ZMYM4: variants seen among roughly 807,000 people sequenced by gnomAD.
The protein encoded by ZMYM4 is zinc finger MYM-type protein 4.
ZMYM4 carries 31 observed loss-of-function variants against 183.2 expected under a neutral mutation model. The ratio of observed to expected loss-of-function variants is 0.17; its 90% CI spans 0.13 to 0.23. The LOEUF is 0.23. Ranked by LOEUF, ZMYM4 falls within the 10% of genes least tolerant of loss-of-function variation. ZMYM4 has a pLI of 1.00. For synonymous variants in ZMYM4, 592 were observed against 631.2 expected, an observed-to-expected ratio of 0.94 and a Z score of 0.93; for missense variants, 1,273 against 1,840.3, an observed-to-expected ratio of 0.69 and a Z score of 5.64.
intron 2 of ZMYM4, among the ~76,000 whole-genome samples, chr1:35,330,997 G>A (rs1558015566): frequency 6.6e-6 from 1 of 152,110 alleles, no homozygotes; most frequent in Non-Finnish European, 1.5e-5. Flanking sequence ...ATCAGTTTGT[G>A]TCTGAATTAT....
intron 1 of ZMYM4, among the ~76,000 whole-genome samples, chr1:35,306,347 T>C (rs1641532495): frequency 6.6e-6 from 1 of 152,174 alleles, no homozygotes; most frequent in East Asian, 1.9e-4. Context: ...TATATTTTCC[T>C]TCTATGAATG....
At chr1:35,364,592 A>G (rs1318123574) in intron 5 of ZMYM4, among the ~76,000 whole-genome samples, 5 of 152,150 alleles carry the variant, frequency 3.3e-5, no homozygotes, top group Admixed American at 1.3e-4. Context: ...AGTGTATTAT[A>G]TTATTAGTCT....
intron 1 of ZMYM4, among the ~76,000 whole-genome samples, chr1:35,299,881 G>T (rs1475195280): frequency 2.0e-5 from 3 of 151,424 alleles, no homozygotes; most frequent in African/African-American, 7.3e-5. Context: ...TGCAAGCTCC[G>T]TGCCCTGGGT....
At chr1:35,378,758 G>A (rs1001414339) in intron 7 of ZMYM4, among the ~76,000 whole-genome samples, 4 of 152,180 alleles carry the variant, frequency 2.6e-5, no homozygotes, top group Non-Finnish European at 4.4e-5. Flanking sequence ...TTCAATAGAA[G>A]ACTGTTTCTT....
chr1:35,379,561 T>G (rs1051155038), intron 7 of ZMYM4, among the ~76,000 whole-genome samples: 12 of 152,256 alleles, frequency 7.9e-5, no homozygotes, highest in Non-Finnish European at 1.5e-4. Context: ...TTATCATTCC[T>G]GTCTTCACTG....
chr1:35,304,127 C>G (rs145707257), intron 1 of ZMYM4, among the ~76,000 whole-genome samples: 1 of 152,030 alleles, frequency 6.6e-6, no homozygotes, highest in African/African-American at 2.4e-5. Flanking sequence ...CACATTCATG[C>G]GATTCTCCTG....
chr1:35,398,255 C>T (rs1267787445), intron 20 of ZMYM4, among the ~76,000 whole-genome samples, 158 bp from the exon 21 acceptor site: 2 of 152,094 alleles, frequency 1.3e-5, no homozygotes, highest in Non-Finnish European at 2.9e-5. Context: ...GCATTTATCC[C>T]TAATGTCTAA....
At chr1:35,310,704 G>A (rs905910667) in intron 1 of ZMYM4, among the ~76,000 whole-genome samples, 11 of 151,800 alleles carry the variant, frequency 7.2e-5, no homozygotes, top group African/African-American at 2.4e-4. Context: ...TCAGCCTCCC[G>A]AGTAGCTGGG....
intron 7 of ZMYM4, among the ~76,000 whole-genome samples, chr1:35,373,992 G>GT: frequency 8.0e-6 from 1 of 125,696 alleles, no homozygotes; most frequent in Admixed American, 8.0e-5. Flanking sequence ...TCTAATTTCT[G>GT]TATTCCAGTA....
chr1:35,376,569 G>T (rs541671300), intron 7 of ZMYM4, among the ~76,000 whole-genome samples: 1 of 152,084 alleles, frequency 6.6e-6, no homozygotes, highest in African/African-American at 2.4e-5. Flanking sequence ...TTGTTGCCAG[G>T]CTGGAATGCA....
chr1:35,309,444 T>G (rs369401321), intron 1 of ZMYM4, among the ~76,000 whole-genome samples: 2 of 152,324 alleles, frequency 1.3e-5, no homozygotes, highest in South Asian at 2.1e-4. Flanking sequence ...TTTAGGTAAT[T>G]GAGCAATAAA....
At chr1:35,382,805 T>TA (rs968179996) in intron 9 of ZMYM4, among the ~76,000 whole-genome samples, 172 of 151,336 alleles carry the variant, frequency 1.1e-3, no homozygotes, top group African/African-American at 3.9e-3. Flanking sequence ...TTTTGAAAGT[T>TA]AAAAAAAAAC....
chr1:35,369,190 A>G (rs1485685405), intron 5 of ZMYM4, among the ~76,000 whole-genome samples: 2 of 152,224 alleles, frequency 1.3e-5, no homozygotes, highest in South Asian at 2.1e-4. Context: ...ATGTTTCAAT[A>G]TGATAAACAA....
At chr1:35,370,725 T>TC in intron 7 of ZMYM4, 98 bp downstream of exon 7, 2 of 767,402 alleles carry the variant, frequency 2.6e-6, no homozygotes, top group East Asian at 3.5e-5. Flanking sequence ...CTACATTTAT[T>TC]CCTTTTTTTT....
intron 7 of ZMYM4, among the ~76,000 whole-genome samples, chr1:35,371,430 C>A (rs1475516162): frequency 6.6e-6 from 1 of 151,918 alleles, no homozygotes; most frequent in African/African-American, 2.4e-5. Flanking sequence ...TTTTTATTTT[C>A]TCAATGTCTC....
Position 35,361,802 on chromosome 1 carries a change from C to T in ZMYM4, c.840+13C>T. On this transcript the variant is annotated intron_variant, in intron 5 of 29. Coordinates refer to ENST00000314607, the MANE Select transcript of ZMYM4 (RefSeq NM_005095.3). ...TGACAATGCTCAAGTAAACATTTCA[C>T]CTTTTTTCCCCCCTTCTTTTTGTTC... 6.3e-7 allele frequency: 1 copy of T among 1,591,528 alleles called. No individual in the cohort carries two copies. Among genetic ancestry groups the T allele is most frequent in the Non-Finnish European group, 8.5e-7 (1 of 1,171,730 alleles).
intron 2 of ZMYM4, among the ~76,000 whole-genome samples, chr1:35,333,021 A>G (rs1331745126): frequency 2.6e-5 from 4 of 152,098 alleles, no homozygotes; most frequent in Non-Finnish European, 5.9e-5. Flanking sequence ...TCTTAATAGG[A>G]GGAGGGAGGG....
chr1:35,342,828 GC>G (rs1240161016), intron 2 of ZMYM4, among the ~76,000 whole-genome samples: 1 of 151,766 alleles, frequency 6.6e-6, no homozygotes, highest in Non-Finnish European at 1.5e-5. Context: ...ATGCCACCAC[GC>G]CCAGCTACTT....
At chr1:35,273,412 A>C (rs1159873555) in intron 1 of ZMYM4, among the ~76,000 whole-genome samples, 1 of 152,192 alleles carries the variant, frequency 6.6e-6, no homozygotes, top group African/African-American at 2.4e-5. Flanking sequence ...TTATTTATGC[A>C]TGGCTATTAT....
Sources: allele counts gnomAD v4.1 joint callset (sites outside exome capture counted in the v4.1 genomes callset), GRCh38; gene constraint gnomAD v4.1.1; transcripts MANE v1.5; gene names NCBI Gene and HGNC (gene_info 2026-07-23, HGNC 2026-07-21).